Variants in ADAMTS17 observed in about 807,000 individuals in gnomAD.
ADAMTS17 encodes A disintegrin and metalloproteinase with thrombospondin motifs 17.
A neutral mutation model predicts 141.5 loss-of-function variants in ADAMTS17; 113 were observed. The observed-to-expected ratio is 0.80, with a 90% CI of 0.69 to 0.93. ADAMTS17 has a LOEUF of 0.93. ADAMTS17 is among the 40% of genes least tolerant of loss of function. The probability of loss-of-function intolerance (pLI) is 0.00; values close to 1 mark genes in which losing one functional copy is unlikely to be tolerated. For synonymous variants in ADAMTS17, 768 were observed against 630.6 expected (o/e 1.22, Z -3.27); for missense variants, 1,659 against 1,517.9 (o/e 1.09, Z -1.54).
At chr15:100,290,031 A>G (rs1477804734) in intron 3 of ADAMTS17, among the ~76,000 whole-genome samples, 1 of 152,138 alleles carries the variant, frequency 6.6e-6, no homozygotes, top group Non-Finnish European at 1.5e-5. Flanking sequence ...CAGGCAAGAG[A>G]AAGAAATAAA....
chr15:100,067,352 G>A (rs2033614730), intron 15 of ADAMTS17, among the ~76,000 whole-genome samples: 1 of 152,110 alleles, frequency 6.6e-6, no homozygotes, highest in African/African-American at 2.4e-5. Flanking sequence ...ATCATTCTAA[G>A]TGTCGTTCCT....
intron 20 of ADAMTS17, among the ~76,000 whole-genome samples, chr15:99,990,462 TG>T (rs972063474): frequency 6.6e-6 from 1 of 152,000 alleles, no homozygotes; most frequent in African/African-American, 2.4e-5. Context: ...TGTTTGGTTT[TG>T]GGGAAACTGG....
intron 18 of ADAMTS17, among the ~76,000 whole-genome samples, chr15:100,016,648 C>T (rs921421761): frequency 1.3e-5 from 2 of 152,174 alleles, no homozygotes; most frequent in African/African-American, 4.8e-5. Flanking sequence ...TGGGTCTAGC[C>T]ACCCAGCAAG....
intron 3 of ADAMTS17, among the ~76,000 whole-genome samples, chr15:100,330,126 A>G (rs563980088): frequency 1.1e-4 from 17 of 152,316 alleles, no homozygotes; most frequent in Non-Finnish European, 2.1e-4. Context: ...GTGACAGGTC[A>G]TCCACATTAG....
At chr15:100,185,102 T>C (rs896545148) in intron 8 of ADAMTS17, among the ~76,000 whole-genome samples, 1 of 152,226 alleles carries the variant, frequency 6.6e-6, no homozygotes, top group Non-Finnish European at 1.5e-5. Context: ...GCAGAGGCTA[T>C]GGACATAGTG....
intron 18 of ADAMTS17, among the ~76,000 whole-genome samples, chr15:100,025,979 TTGA>T (rs2061508657): frequency 6.6e-6 from 1 of 152,210 alleles, no homozygotes; most frequent in African/African-American, 2.4e-5. Context: ...AGTATACAGC[TTGA>T]TGAAATTTTC....
intron 12 of ADAMTS17, among the ~76,000 whole-genome samples, chr15:100,124,523 C>A (rs534767075): frequency 3.3e-5 from 5 of 152,196 alleles, no homozygotes; most frequent in Non-Finnish European, 7.3e-5. Context: ...ACCCCAGCCA[C>A]GGCAATGGAG....
At chr15:100,265,529 CCTG>C (rs1442611581) in intron 4 of ADAMTS17, among the ~76,000 whole-genome samples, 1 of 152,224 alleles carries the variant, frequency 6.6e-6, no homozygotes, top group Non-Finnish European at 1.5e-5. Context: ...GGACCTGCCG[CCTG>C]CAGCACACTA....
At chr15:100,207,512 C>T (rs2041621443) in intron 7 of ADAMTS17, among the ~76,000 whole-genome samples, 1 of 152,200 alleles carries the variant, frequency 6.6e-6, no homozygotes, top group South Asian at 2.1e-4. Flanking sequence ...ATTTGCCACA[C>T]AGCACTGCAG....
At chr15:100,236,295 A>C (rs1265461340) in intron 7 of ADAMTS17, among the ~76,000 whole-genome samples, 1 of 151,180 alleles carries the variant, frequency 6.6e-6, no homozygotes, top group Non-Finnish European at 1.5e-5. Flanking sequence ...AAAAAAAAAA[A>C]AAAAACCCTA....
intron 20 of ADAMTS17, among the ~76,000 whole-genome samples, chr15:99,983,047 C>T (rs905970388): frequency 6.6e-6 from 1 of 152,138 alleles, no homozygotes; most frequent in Non-Finnish European, 1.5e-5. Flanking sequence ...AGAGATTTTC[C>T]TTTAGGTAGA....
chr15:100,051,109 T>C (rs947248685), intron 17 of ADAMTS17, among the ~76,000 whole-genome samples: 2 of 152,184 alleles, frequency 1.3e-5, no homozygotes, highest in East Asian at 1.9e-4. Context: ...TCAGGACTCA[T>C]GCTCAGAACG....
intron 2 of ADAMTS17, among the ~76,000 whole-genome samples, chr15:100,335,330 C>G (rs984311107): frequency 1.3e-5 from 2 of 152,198 alleles, no homozygotes; most frequent in Admixed American, 6.5e-5. Flanking sequence ...CGTAAAACCA[C>G]CACCCCACAA....
At chr15:100,107,480 G>A (rs749303602) in intron 14 of ADAMTS17, among the ~76,000 whole-genome samples, 4 of 152,300 alleles carry the variant, frequency 2.6e-5, no homozygotes, top group African/African-American at 9.6e-5. Flanking sequence ...TGACAGGAAC[G>A]CGTATGTGTG....
chr15:100,065,870 T>G (rs2033482020), intron 15 of ADAMTS17, among the ~76,000 whole-genome samples: 1 of 152,166 alleles, frequency 6.6e-6, no homozygotes, highest in Admixed American at 6.5e-5. Flanking sequence ...CTCCCTCCCC[T>G]TTTCCCCCAC....
intron 7 of ADAMTS17, among the ~76,000 whole-genome samples, chr15:100,246,734 T>C (rs563525413): frequency 1.3e-5 from 2 of 152,182 alleles, no homozygotes; most frequent in Non-Finnish European, 2.9e-5. Context: ...TTGTATTTTA[T>C]CCATTCCATA....
At chr15:100,269,732 G>T (rs2043839819) in intron 4 of ADAMTS17, among the ~76,000 whole-genome samples, 1 of 152,150 alleles carries the variant, frequency 6.6e-6, no homozygotes, top group South Asian at 2.1e-4. Context: ...GGTCAAGCCT[G>T]CATGACCAGC....
intron 14 of ADAMTS17, among the ~76,000 whole-genome samples, chr15:100,098,309 C>A (rs772423670): frequency 6.6e-6 from 1 of 152,022 alleles, no homozygotes; most frequent in Non-Finnish European, 1.5e-5. Context: ...CCTAGATTCT[C>A]GGTGTGGACT....
rs960789716 is a variant in ADAMTS17 at position 100,152,615 on chromosome 15, C to T, written c.1470G>A (p.Met490Ile). The T allele has an allele frequency of 3.1e-5, 50 of 1,613,730 alleles. No individual in the cohort carries two copies. The highest frequency in any genetic ancestry group is 3.9e-5 in the Non-Finnish European group (46 of 1,180,042). The part of the protein sequence containing the change: ...FGMNATFCRN[M>I]EHLMCAGLWC... ...CAGCCCTCCCACGGCTGCTTACCTC[C>T]ATGTTTCTGCAGAAGGTGGCATTCA... The change falls in exon 10 of 22, where the codon ATG becomes ATA. Residue 490 changes from methionine (M) to isoleucine (I), a missense_variant. Met to Ile is a conservative substitution (Grantham distance 10). Coordinates refer to ENST00000268070, the MANE Select transcript of ADAMTS17 (RefSeq NM_139057.4).
Sources: allele counts gnomAD v4.1 joint callset (sites outside exome capture counted in the v4.1 genomes callset), GRCh38; gene constraint gnomAD v4.1.1; transcripts MANE v1.5; gene names NCBI Gene and HGNC (gene_info 2026-07-23, HGNC 2026-07-21).